CEACAM1: variants seen among roughly 807,000 people sequenced by gnomAD.
CEACAM1 encodes the protein CEA cell adhesion molecule 1.
CEACAM1 carries 31 observed loss-of-function variants against 49.1 expected under a neutral mutation model. The ratio of observed to expected loss-of-function variants is 0.63; its 90% CI spans 0.47 to 0.85. The LOEUF (loss-of-function observed/expected upper bound fraction) is 0.85. Among genes scored for constraint, CEACAM1 ranks in the 40% least tolerant of loss-of-function variants. The pLI, the probability that CEACAM1 is intolerant of heterozygous loss-of-function variation, is 0.00. For synonymous variants in CEACAM1, 244 were observed against 247.8 expected (o/e 0.98, Z 0.14); for missense variants, 570 against 645.3 (o/e 0.88, Z 1.26).
intron 7 of CEACAM1, 42 bp downstream of exon 7, chr19:42,511,534 T>C (rs374677459): frequency 3.5e-5 from 55 of 1,550,214 alleles, no homozygotes; most frequent in Non-Finnish European, 4.5e-5. Context: ...GGGCACGTGG[T>C]GGAACATACC....
rs1469284956 is a variant in CEACAM1 at position 42,521,183 on chromosome 19, A to T, written c.958+84T>A. ...TGTGCCTGTTGGATACAGGCTGCAAAAGAAAATTTCTTCTCTGCTCCTATT... is the reference window on the plus strand; with the variant it reads ...TGTGCCTGTTGGATACAGGCTGCAATAGAAAATTTCTTCTCTGCTCCTATT... On this transcript the variant is annotated intron_variant, in intron 4 of 8. Coordinates refer to ENST00000161559, the MANE Select transcript of CEACAM1 (RefSeq NM_001712.5). The T allele has an allele frequency of 2.0e-6, 3 of 1,521,720 alleles. No individual in the cohort carries two copies. In the African/African-American group the frequency reaches 4.1e-5, roughly 21 times the overall value. 94.3% of individuals were successfully genotyped at this position (1,521,720 alleles called of 1,614,324 possible).
intron 5 of CEACAM1, among the ~76,000 whole-genome samples, chr19:42,513,893 C>CATATATAT (rs144403954): frequency 1.6e-3 from 165 of 104,942 alleles, no homozygotes; most frequent in Admixed American, 4.2e-3. Flanking sequence ...CTTCTCCCTC[C>CATATATAT]ATATATATAT....
At position 42,519,103 on chromosome 19, in the gene CEACAM1, T is replaced by C. The variant is rs45452298; in HGVS notation, c.1091A>G (p.Gln364Arg). The C allele has an allele frequency of 8.5e-4, 1,366 of 1,614,206 alleles. 2 individuals carry two copies. The highest frequency in any genetic ancestry group is 1.1e-3 in the Non-Finnish European group (1,284 of 1,180,046). Residue 364 changes from glutamine (Q) to arginine (R), a missense_variant, in exon 5 of 9, where the codon CAG becomes CGG. Physicochemically the swap from Gln to Arg is conservative, Grantham distance 43. Transcript: ENST00000161559. ...GISIRWFFKN[Q>R]SLPSSERMKL... is the part of the protein sequence containing the mutation. ...CATCCTCTCCGAGGACGGGAGACTC[T>C]GGTTTTTGAAGAACCAACGGATGGA...
intron 1 of CEACAM1, 115 bp downstream of exon 1, chr19:42,528,196 A>G (rs2041942397): frequency 5.1e-6 from 4 of 790,264 alleles, no homozygotes; most frequent in African/African-American, 1.8e-5. Flanking sequence ...CCTCTCTCCT[A>G]TTTGGCTCCA....
chr19:42,509,490 T>C (rs974081470), intron 8 of CEACAM1, among the ~76,000 whole-genome samples: 1 of 152,184 alleles, frequency 6.6e-6, no homozygotes, highest in Non-Finnish European at 1.5e-5. Flanking sequence ...TGGATGAGTC[T>C]CACAAAGCAA....
chr19:42,513,136 G>T (rs1237871866), intron 5 of CEACAM1, among the ~76,000 whole-genome samples: 1 of 152,216 alleles, frequency 6.6e-6, no homozygotes, highest in Non-Finnish European at 1.5e-5. Flanking sequence ...CAGTGTCTCA[G>T]TTGTGGCAGT....
At position 42,517,267 on chromosome 19, in the gene CEACAM1, A is replaced by G. The variant is rs79242201; in HGVS notation, c.1246+1681T>C. On this transcript the variant is annotated intron_variant, in intron 5 of 8. Coordinates refer to ENST00000161559, the MANE Select transcript of CEACAM1 (RefSeq NM_001712.5). ...AAAACTTTGGAACATTGAATTTGGC[A>G]ATGATTTCTTGGCTATGACACTAAA... 8.1e-3 allele frequency among the ~76,000 whole-genome samples: 1,231 copies of G among 152,370 alleles called. 21 individuals are homozygous for G. The highest frequency in any genetic ancestry group is 0.039 in the East Asian group (201 of 5,194).
intron 2 of CEACAM1, 23 bp from the exon 3 acceptor site, chr19:42,522,225 A>G (rs768367647): frequency 1.9e-6 from 3 of 1,613,912 alleles, no homozygotes; most frequent in African/African-American, 1.3e-5. Context: ...CAGAGAGAAG[A>G]TTGCCCTGTG....
chr19:42,513,918 A>ATAAT (rs977629719), intron 5 of CEACAM1, among the ~76,000 whole-genome samples: 1 of 123,394 alleles, frequency 8.1e-6, no homozygotes, highest in African/African-American at 4.0e-5. Context: ...ATATATATAT[A>ATAAT]ATATATAAAT....
chr19:42,528,398 TC>T lies in CEACAM1; in HGVS notation c.-25del. ...ATGGTGTCTCCTGCTGGCCCTGTCT[TC>T]ACCTGTGGAGGAGAGCTTGGGCTCC... On this transcript the variant is annotated 5_prime_UTR_variant, in exon 1 of 9. Transcript: ENST00000161559. 1 of 1,613,090 alleles carries T rather than the reference TC, an allele frequency of 6.2e-7. No homozygotes were observed. The highest frequency in any genetic ancestry group is 1.1e-5 in the South Asian group (1 of 91,058).
intron 4 of CEACAM1, 144 bp downstream of exon 4, chr19:42,521,123 A>C (rs979112926): frequency 2.4e-6 from 2 of 850,634 alleles, no homozygotes; most frequent in African/African-American, 3.4e-5. Flanking sequence ...TGCACAGATG[A>C]ATTGAGAGGG....
chr19:42,522,110 C>T lies in CEACAM1; in HGVS notation c.517G>A (p.Asp173Asn), dbSNP rs774540228. Reference sequence around the variant, plus strand: ...TTTATCCACCACAGGTAGGTTGTGTCCTGAGTCTCAGGTTCACAGGTGAAG... The same window carrying T: ...TTTATCCACCACAGGTAGGTTGTGTTCTGAGTCTCAGGTTCACAGGTGAAG... The part of the protein sequence containing the change: ...VAFTCEPETQ[D>N]TTYLWWINNQ... Residue 173 changes from aspartate (D) to asparagine (N), a missense_variant, in exon 3 of 9, where the codon GAC (aspartate) becomes AAC (asparagine). Asp to Asn is a conservative substitution (Grantham distance 23). Coordinates refer to ENST00000161559, the MANE Select transcript of CEACAM1 (RefSeq NM_001712.5). 3.7e-6 allele frequency: 6 copies of T among 1,614,044 alleles called. No individual in the cohort carries two copies. The highest frequency in any genetic ancestry group is 1.3e-5 in the African/African-American group (1 of 74,932).
At position 42,521,319 on chromosome 19, in the gene CEACAM1, A is replaced by G; in HGVS notation, c.906T>C (p.Asn302=). 1 of 1,614,222 alleles carries G rather than the reference A, an allele frequency of 6.2e-7. No homozygotes were observed. The highest frequency in any genetic ancestry group is 8.5e-7 in the Non-Finnish European group (1 of 1,180,046). The change falls in exon 4 of 9, where the codon AAT becomes AAC. Residue 302 remains asparagine (N), a synonymous_variant. Coordinates refer to ENST00000161559, the MANE Select transcript of CEACAM1 (RefSeq NM_001712.5). ...NNSGSYTCHA[N]NSVTGCNRTT... is the part of the protein sequence containing the mutation. ...TCCTGTTGCAGCCAGTGACTGAGTT[A>G]TTGGCGTGGCAGGTATAGGATCCAC...
In CEACAM1 at chr19:42,516,157, T is replaced by C. The variant is rs781151974; in HGVS notation, c.1246+2791A>G. ...CTGCTTTTGCCATTTCTATTCAATGTAGTATTGGAAGACCTAGACAGAACA... is the reference window on the plus strand; with the variant it reads ...CTGCTTTTGCCATTTCTATTCAATGCAGTATTGGAAGACCTAGACAGAACA... On this transcript the variant is annotated intron_variant, in intron 5 of 8. Coordinates refer to ENST00000161559, the MANE Select transcript of CEACAM1 (RefSeq NM_001712.5). Among the ~76,000 whole-genome samples, 4 of 152,080 alleles carry C rather than the reference T, an allele frequency of 2.6e-5. No individual in the cohort carries two copies. The South Asian group carries it at 6.2e-4, about 24-fold the overall frequency.
chr19:42,527,072 A>G lies in CEACAM1; in HGVS notation c.393T>C (p.Asn131=). Residue 131 remains asparagine (N), a synonymous_variant, in exon 2 of 9, where the codon AAT becomes AAC. Coordinates refer to ENST00000161559, the MANE Select transcript of CEACAM1 (RefSeq NM_001712.5). ...CATGGAACTGTCCAGTTGCTTCTTC[A>G]TTCACAAGATCTGACTTTATGACTT... ...TLQVIKSDLV[N]EEATGQFHVY... 3 of 1,610,580 alleles carry G rather than the reference A, an allele frequency of 1.9e-6. No individual in the cohort carries two copies. The highest frequency in any genetic ancestry group is 1.7e-6 in the Non-Finnish European group (2 of 1,178,046).
At chr19:42,518,520 C>CA in intron 5 of CEACAM1, 1 of 131,256 alleles carries the variant, frequency 7.6e-6, no homozygotes, top group East Asian at 2.2e-4. Flanking sequence ...TTTTTTGAGA[C>CA]AGAGTCTTGC....
chr19:42,511,166 C>G (rs1056722086), intron 7 of CEACAM1: 2 of 585,974 alleles, frequency 3.4e-6, no homozygotes, highest in East Asian at 5.6e-5. Flanking sequence ...GATTTTTGCC[C>G]AGATGTGTTT....
rs2041910430 is a variant in CEACAM1, at chr19:42,527,087, CTT to C, written c.376_377del (p.Lys126ValfsTer6). On this transcript the variant is annotated frameshift_variant, in exon 2 of 9. Transcript: ENST00000161559. LOFTEE classifies it high-confidence loss of function. ...TTGCTTCTTCATTCACAAGATCTGA[CTT>C]TATGACTTGTAGGGTGTAGAATCCT... ...DTGFYTLQVIKSDLVNEEATG... is the reference protein window; with the variant it reads ...DTGFYTLQVIXSDLVNEEATG... The C allele has an allele frequency of 1.2e-6, 2 of 1,612,854 alleles. No individual in the cohort carries two copies. The highest frequency in any genetic ancestry group is 1.7e-6 in the Non-Finnish European group (2 of 1,179,390).
At chr19:42,519,389 C>G in intron 4 of CEACAM1, 154 bp from the exon 5 acceptor site, 1 of 688,968 alleles carries the variant, frequency 1.5e-6, no homozygotes, top group Non-Finnish European at 2.5e-6. Flanking sequence ...CCCTGACCCT[C>G]TGCAGAAGGT....
Sources: gnomAD v4.1 joint callset for allele counts (sites outside exome capture counted in the v4.1 genomes callset) on GRCh38, gnomAD v4.1.1 for gene constraint, MANE v1.5 for transcripts, NCBI Gene and HGNC (gene_info 2026-07-23, HGNC 2026-07-21) for gene names.